CACNA2D3: variants seen among roughly 807,000 people sequenced by gnomAD.
CACNA2D3 encodes the protein calcium voltage-gated channel auxiliary subunit alpha2delta 3.
Under a neutral mutation model 160.6 loss-of-function variants are expected in CACNA2D3, and 60 were observed. The observed-to-expected ratio is 0.37, with a 90% CI of 0.30 to 0.46. CACNA2D3 has a LOEUF of 0.46. Among genes scored for constraint, CACNA2D3 ranks in the 20% least tolerant of loss-of-function variants. CACNA2D3 has a pLI of 1.00. For missense variants in CACNA2D3, 1,205 were observed against 1,365.0 expected (o/e 0.88, Z 1.85); for synonymous variants, 558 against 492.9 (o/e 1.13, Z -1.75).
At chr3:54,222,080 T>C (rs182982835) in intron 2 of CACNA2D3, among the ~76,000 whole-genome samples, 4 of 152,322 alleles carry the variant, frequency 2.6e-5, no homozygotes, top group East Asian at 3.9e-4. Flanking sequence ...AGAGGGCTGA[T>C]TGTATTATGC....
intron 17 of CACNA2D3, among the ~76,000 whole-genome samples, chr3:54,866,148 C>G (rs528158772): frequency 1.3e-5 from 2 of 152,074 alleles, no homozygotes; most frequent in African/African-American, 4.8e-5. Context: ...TTGCCCAGGC[C>G]TGGCACAGAG....
chr3:54,924,468 CTT>C, intron 27 of CACNA2D3: 4 of 648,300 alleles, frequency 6.2e-6, no homozygotes, highest in Admixed American at 5.1e-5. Flanking sequence ...TCACTTGACT[CTT>C]TTGCCATACC....
At chr3:54,818,608 C>T (rs1703515947) in intron 14 of CACNA2D3, among the ~76,000 whole-genome samples, 1 of 152,190 alleles carries the variant, frequency 6.6e-6, no homozygotes, top group Non-Finnish European at 1.5e-5. Context: ...TATATTGACT[C>T]ACATCACATG....
chr3:54,709,339 A>T (rs1700913702), intron 11 of CACNA2D3, among the ~76,000 whole-genome samples: 1 of 149,004 alleles, frequency 6.7e-6, no homozygotes, highest in Non-Finnish European at 1.5e-5. Flanking sequence ...CCAGCTGCAG[A>T]CTGCTTAAAG....
intron 5 of CACNA2D3, among the ~76,000 whole-genome samples, chr3:54,516,146 C>T (rs186268781): frequency 6.6e-6 from 1 of 152,326 alleles, no homozygotes; most frequent in Admixed American, 6.5e-5. Flanking sequence ...CACAGGTGGG[C>T]TTTGGGGATA....
chr3:54,886,842 A>G (rs529446976), intron 23 of CACNA2D3, among the ~76,000 whole-genome samples: 1 of 149,556 alleles, frequency 6.7e-6, no homozygotes, highest in Non-Finnish European at 1.5e-5. Context: ...TAACGCATTT[A>G]TTTGCATTAC....
chr3:54,275,446 T>G (rs1702714276), intron 2 of CACNA2D3, among the ~76,000 whole-genome samples: 2 of 148,448 alleles, frequency 1.3e-5, no homozygotes, highest in Non-Finnish European at 1.5e-5. Flanking sequence ...TCAATTATAA[T>G]GAAATACAGC....
chr3:54,705,653 A>G (rs1700843807), intron 11 of CACNA2D3, among the ~76,000 whole-genome samples: 1 of 152,226 alleles, frequency 6.6e-6, no homozygotes, highest in Non-Finnish European at 1.5e-5. Context: ...TTAATTCAAC[A>G]GTTTGGGCCT....
At chr3:54,878,681 A>G (rs1699720330) in intron 18 of CACNA2D3, 1 of 200,102 alleles carries the variant, frequency 5.0e-6, no homozygotes, top group Non-Finnish European at 9.9e-6. Context: ...CCTTTTTGAA[A>G]ACGTACCTTG....
In CACNA2D3 at chr3:54,257,921, C is replaced by T. The variant is rs568306762; in HGVS notation, c.205-62521C>T. 1.1e-4 allele frequency among the ~76,000 whole-genome samples: 16 copies of T among 152,192 alleles called. No individual in the cohort carries two copies. The South Asian group carries it at 2.3e-3, about 22-fold the overall frequency. On this transcript the variant is annotated intron_variant, in intron 2 of 37. Coordinates refer to ENST00000474759, the MANE Select transcript of CACNA2D3 (RefSeq NM_018398.3). ...AGAAAATGGGGATAGTCCAATAGTC[C>T]CTGGTTATTCAGTCCTCATCGACAA...
Position 54,609,639 on chromosome 3 carries a change from G to A in CACNA2D3, c.964-18148G>A, listed in dbSNP as rs570677029. 2.0e-5 allele frequency among the ~76,000 whole-genome samples: 3 copies of A among 152,270 alleles called. No homozygotes were observed. The East Asian group carries it at 5.8e-4, about 29-fold the overall frequency. ...TAGGGAACAGAGAGGAGGGGGTTTT[G>A]TGGTCAAAGAAAGCTTAAAATGACA... On this transcript the variant is annotated intron_variant, in intron 9 of 37. Transcript: ENST00000474759.
At chr3:55,046,088 CT>C (rs201416523) in intron 35 of CACNA2D3, among the ~76,000 whole-genome samples, 23,602 of 147,634 alleles carry the variant, frequency 0.16, 1,981 homozygotes, top group African/African-American at 0.18. Context: ...TTATGTTACA[CT>C]TTTTTTTTTA....
intron 27 of CACNA2D3, among the ~76,000 whole-genome samples, chr3:54,934,653 G>A (rs1028889427): frequency 6.6e-6 from 1 of 152,140 alleles, no homozygotes; most frequent in African/African-American, 2.4e-5. Flanking sequence ...ACTTAGCCAG[G>A]TTCTGTGTAG....
At chr3:54,789,561 G>T (rs1398898375) in intron 13 of CACNA2D3, among the ~76,000 whole-genome samples, 3 of 152,140 alleles carry the variant, frequency 2.0e-5, no homozygotes, top group Admixed American at 6.6e-5. Context: ...TAAGTAGGCT[G>T]GGAAAATCCA....
At chr3:54,879,484 C>G in intron 20 of CACNA2D3, 73 bp downstream of exon 20, 1 of 1,065,914 alleles carries the variant, frequency 9.4e-7, no homozygotes, top group Non-Finnish European at 1.4e-6. Flanking sequence ...TGCTGACACT[C>G]TCAGAGCTCA....
chr3:54,789,056 C>T (rs1020406934), intron 13 of CACNA2D3, among the ~76,000 whole-genome samples: 2 of 152,032 alleles, frequency 1.3e-5, no homozygotes, highest in African/African-American at 4.8e-5. Flanking sequence ...CACAGTTGGC[C>T]AGGCACAGTT....
At chr3:54,680,656 C>G (rs1045259365) in intron 11 of CACNA2D3, among the ~76,000 whole-genome samples, 5 of 152,192 alleles carry the variant, frequency 3.3e-5, no homozygotes, top group African/African-American at 1.2e-4. Flanking sequence ...TGGTCTTCTC[C>G]TTTGATGTAA....
chr3:54,276,013 A>C (rs1702730508), intron 2 of CACNA2D3, among the ~76,000 whole-genome samples: 1 of 152,156 alleles, frequency 6.6e-6, no homozygotes, highest in African/African-American at 2.4e-5. Context: ...CTCAAAATTC[A>C]AGGAAATAAC....
intron 11 of CACNA2D3, among the ~76,000 whole-genome samples, chr3:54,716,371 T>G (rs777013633): frequency 1.3e-5 from 2 of 151,930 alleles, no homozygotes; most frequent in Non-Finnish European, 2.9e-5. Context: ...GGCTTCGATA[T>G]GTAAAGGGGA....
Sources: gnomAD v4.1 joint callset for allele counts (sites outside exome capture counted in the v4.1 genomes callset) on GRCh38, gnomAD v4.1.1 for gene constraint, MANE v1.5 for transcripts, NCBI Gene and HGNC (gene_info 2026-07-23, HGNC 2026-07-21) for gene names.